The following DLGAP1 variants were observed in gnomAD, a reference collection of about 807,000 sequenced individuals.
DLGAP1 encodes DLG associated protein 1, also known as disks large-associated protein 1.
A neutral mutation model predicts 90.8 loss-of-function variants in DLGAP1; 11 were observed. That is an observed-to-expected ratio of 0.12 (90% CI 0.08 to 0.20). The LOEUF is 0.20. Among genes scored for constraint, DLGAP1 ranks in the 10% least tolerant of loss-of-function variants. The probability of loss-of-function intolerance (pLI) is 1.00; values close to 1 mark genes in which losing one functional copy is unlikely to be tolerated. For synonymous variants in DLGAP1, 558 were observed against 540.7 expected, an observed-to-expected ratio of 1.03 and a Z score of -0.44; for missense variants, 1,050 against 1,333.8, an observed-to-expected ratio of 0.79 and a Z score of 3.31.
intron 1 of DLGAP1, among the ~76,000 whole-genome samples, chr18:4,420,723 T>C (rs189174281): frequency 5.9e-4 from 90 of 152,338 alleles, no homozygotes; most frequent in Non-Finnish European, 1.1e-3. Flanking sequence ...GCTCTCTGGA[T>C]AGTTTATTGG....
chr18:4,047,632 A>G (rs2075073379), intron 2 of DLGAP1, among the ~76,000 whole-genome samples: 1 of 152,202 alleles, frequency 6.6e-6, no homozygotes, highest in Admixed American at 6.5e-5. Flanking sequence ...CTTTTAGTCC[A>G]TTTGTATCAG....
intron 10 of DLGAP1, among the ~76,000 whole-genome samples, chr18:3,516,281 T>C (rs1289675383): frequency 1.3e-5 from 2 of 152,130 alleles, no homozygotes; most frequent in Non-Finnish European, 2.9e-5. Context: ...TATAAATTTA[T>C]GGGGTACAGG....
At chr18:3,927,836 AGGTTC>A (rs1312979784) in intron 3 of DLGAP1, among the ~76,000 whole-genome samples, 1 of 152,198 alleles carries the variant, frequency 6.6e-6, no homozygotes, top group Non-Finnish European at 1.5e-5. Context: ...TATAATCCAT[AGGTTC>A]CCAAGGAGCA....
At chr18:3,990,628 TATAATAATAATAATAATAATA>T (rs77930009) in intron 3 of DLGAP1, among the ~76,000 whole-genome samples, 1 of 143,262 alleles carries the variant, frequency 7.0e-6, no homozygotes, top group Non-Finnish European at 1.5e-5. Flanking sequence ...AAACTTAAAA[TATAATAATAATAATAATAATA>T]ATAATAATAA....
At chr18:3,592,048 G>T (rs1175270237) in intron 7 of DLGAP1, among the ~76,000 whole-genome samples, 1 of 152,180 alleles carries the variant, frequency 6.6e-6, no homozygotes, top group Non-Finnish European at 1.5e-5. Flanking sequence ...TTTCAAATTG[G>T]ATGGTTATGA....
intron 3 of DLGAP1, among the ~76,000 whole-genome samples, chr18:3,961,896 G>A (rs570005351): frequency 2.0e-5 from 3 of 152,358 alleles, no homozygotes; most frequent in Non-Finnish European, 4.4e-5. Flanking sequence ...CAGGACAGTG[G>A]CTTGGGTTGC....
chr18:4,205,357 A>G (rs910626228), intron 1 of DLGAP1, among the ~76,000 whole-genome samples: 5 of 152,194 alleles, frequency 3.3e-5, no homozygotes, highest in African/African-American at 1.2e-4. Context: ...TGGATGGGAT[A>G]GGAGGGGGCG....
chr18:3,922,161 A>G lies in DLGAP1; in HGVS notation c.-72-42021T>C, dbSNP rs370396732. ...CCAAAAAAGAACATTTAATTTGACA[A>G]TTGGGAGATTGCTGAGTTCCTTTAT... On this transcript the variant is annotated intron_variant, in intron 3 of 12. Coordinates refer to ENST00000315677, the MANE Select transcript of DLGAP1 (RefSeq NM_004746.4). Among the ~76,000 whole-genome samples the G allele has an allele frequency of 2.3e-4, 35 of 152,326 alleles. No homozygotes were observed. In the East Asian group the frequency reaches 2.7e-3, roughly 12 times the overall value.
At chr18:3,926,124 G>T (rs959826187) in intron 3 of DLGAP1, among the ~76,000 whole-genome samples, 9 of 152,210 alleles carry the variant, frequency 5.9e-5, no homozygotes, top group Non-Finnish European at 1.2e-4. Context: ...GGAGTGAACA[G>T]TGTGGTGTCA....
rs184083680 is a variant in DLGAP1 at position 3,874,489 on chromosome 18, A to C, written c.957+4623T>G. On this transcript the variant is annotated intron_variant, in intron 4 of 12. Coordinates refer to ENST00000315677, the MANE Select transcript of DLGAP1 (RefSeq NM_004746.4). ...TCACTCAACATACAACATTTACATA[A>C]AGAGGCATAAACAGAACCAAGAATT... 1.6e-3 allele frequency: 2,322 copies of C among 1,437,116 alleles called. 24 individuals are homozygous for C. In the South Asian group the frequency reaches 0.017, roughly 11 times the overall value. The allele number at this position is 1,437,116 out of a possible 1,614,324, so 89.0% of individuals were successfully genotyped here. A position where few individuals can be genotyped will look rare whatever the true frequency, so the allele number is the denominator to read the frequency against.
At chr18:3,806,141 T>C (rs2066547694) in intron 5 of DLGAP1, among the ~76,000 whole-genome samples, 1 of 152,204 alleles carries the variant, frequency 6.6e-6, no homozygotes, top group African/African-American at 2.4e-5. Flanking sequence ...ATAAGAAGAA[T>C]TTCTTTAATA....
At chr18:3,698,912 C>A (rs2061183291) in intron 7 of DLGAP1, among the ~76,000 whole-genome samples, 1 of 151,936 alleles carries the variant, frequency 6.6e-6, no homozygotes, top group Non-Finnish European at 1.5e-5. Context: ...CTCTGATATC[C>A]TTTCTTCCGC....
chr18:4,150,929 TAAC>T (rs2076665822), intron 2 of DLGAP1, among the ~76,000 whole-genome samples: 5 of 152,184 alleles, frequency 3.3e-5, no homozygotes, highest in Admixed American at 3.3e-4. Context: ...CGTTCCAGAT[TAAC>T]AACAACAATG....
intron 10 of DLGAP1, among the ~76,000 whole-genome samples, chr18:3,509,338 T>C (rs988049933): frequency 2.0e-5 from 3 of 152,180 alleles, no homozygotes; most frequent in Non-Finnish European, 4.4e-5. Context: ...ATAGGGTGAA[T>C]TCCCTAGGCA....
chr18:4,311,692 C>T (rs1375938161), intron 1 of DLGAP1, among the ~76,000 whole-genome samples: 1 of 152,040 alleles, frequency 6.6e-6, no homozygotes, highest in Non-Finnish European at 1.5e-5. Context: ...TAGATATGTG[C>T]TCCTCTAGAT....
intron 7 of DLGAP1, among the ~76,000 whole-genome samples, chr18:3,648,442 C>T (rs575227130): frequency 1.8e-4 from 27 of 152,240 alleles, no homozygotes; most frequent in South Asian, 8.3e-4. Context: ...TGTGATGTAT[C>T]GTTTAAGAGG....
At chr18:4,154,639 G>A (rs900171180) in intron 1 of DLGAP1, among the ~76,000 whole-genome samples, 3 of 152,144 alleles carry the variant, frequency 2.0e-5, no homozygotes, top group African/African-American at 4.8e-5. Flanking sequence ...AAGTGGAGAA[G>A]GTCCCGATCA....
chr18:3,745,246 T>C (rs755736924), intron 5 of DLGAP1, among the ~76,000 whole-genome samples: 3 of 152,208 alleles, frequency 2.0e-5, no homozygotes, highest in Non-Finnish European at 4.4e-5. Flanking sequence ...CTCTTTGCAG[T>C]GATAAAACAG....
intron 3 of DLGAP1, among the ~76,000 whole-genome samples, chr18:3,914,385 C>G (rs2072098447): frequency 1.0e-5 from 1 of 99,386 alleles, no homozygotes; most frequent in African/African-American, 3.9e-5. Context: ...GCCAGGATTT[C>G]TTTCTTTTTA....
Sources: gnomAD v4.1 joint callset for allele counts (sites outside exome capture counted in the v4.1 genomes callset) on GRCh38, gnomAD v4.1.1 for gene constraint, MANE v1.5 for transcripts, NCBI Gene and HGNC (gene_info 2026-07-23, HGNC 2026-07-21) for gene names.